Variants in CHD4 observed in about 807,000 individuals in gnomAD.
CHD4 encodes ATP-dependent chromatin remodeler CHD4.
Under a neutral mutation model 235.5 loss-of-function variants are expected in CHD4, and 35 were observed. That is an observed-to-expected ratio of 0.15 (90% CI 0.11 to 0.20). The LOEUF (loss-of-function observed/expected upper bound fraction) is 0.20, where lower values mean the gene tolerates loss of function less well. Ranked by LOEUF, CHD4 falls within the 10% of genes least tolerant of loss-of-function variation. The pLI, the probability that CHD4 is intolerant of heterozygous loss-of-function variation, is 1.00. For missense variants in CHD4, 1,329 were observed against 2,432.3 expected, an observed-to-expected ratio of 0.55 and a Z score of 9.54; for synonymous variants, 900 against 850.2, an observed-to-expected ratio of 1.06 and a Z score of -1.02.
chr12:6,601,835 G>A (rs1948596724), intron 4 of CHD4, 69 bp from the exon 5 acceptor site: 30 of 1,565,294 alleles, frequency 1.9e-5, no homozygotes, highest in Admixed American at 3.4e-5. Context: ...AAATTTGTGT[G>A]GAAAAATCAG....
chr12:6,582,351 G>A (rs1349036793), intron 29 of CHD4, 70 bp from the exon 30 acceptor site: 152 of 1,485,432 alleles, frequency 1.0e-4, no homozygotes, highest in Non-Finnish European at 1.1e-4. Context: ...CCATCCCTTC[G>A]TGAGGCATTA....
rs998990469 is a variant in CHD4, at chr12:6,599,663, T to C, written c.1482+110A>G. On this transcript the variant is annotated intron_variant, in intron 10 of 39. Transcript: ENST00000544040. Reference sequence around the variant, plus strand: ...TATAGGATGAAGGAGAATACCTTTCTCAGGGCTGAAAAGCTCATAGTTCCT... The same window carrying C: ...TATAGGATGAAGGAGAATACCTTTCCCAGGGCTGAAAAGCTCATAGTTCCT... The C allele has an allele frequency of 1.4e-5, 19 of 1,368,628 alleles. No individual in the cohort carries two copies. The South Asian group carries it at 2.4e-4, about 17-fold the overall frequency. The allele number at this position is 1,368,628 out of a possible 1,614,324, so 84.8% of individuals were successfully genotyped here.
rs769919523 is a variant in CHD4, at chr12:6,581,565, C to A, written c.4681+84G>T. ...TTGCTGTGTGTCCTGCCAGACTACC[C>A]TGTTAGAACTGAGCACAGGGGAGCA... On this transcript the variant is annotated intron_variant, in intron 31 of 39. Coordinates refer to ENST00000544040, the MANE Select transcript of CHD4 (RefSeq NM_001273.5). 3.1e-6 allele frequency: 5 copies of A among 1,592,302 alleles called. No homozygotes were observed. The South Asian group carries it at 5.5e-5, about 18-fold the overall frequency.
chr12:6,570,921 C>T lies in CHD4; in HGVS notation c.5669G>A (p.Arg1890His), dbSNP rs201121936. 1 of 1,614,064 alleles carries T rather than the reference C, an allele frequency of 6.2e-7. No homozygotes were observed. Among genetic ancestry groups the T allele is most frequent in the Admixed American group, 1.7e-5 (1 of 59,994 alleles). The stretch of plus-strand genomic sequence containing the variant: ...GTTTGCCAGGCGGCTGAGAATGTTA[C>T]GCTCTGACATCTGTAACCTCACAGC... ...PVAVRLQMSE[R>H]NILSRLANRA... The change falls in exon 39 of 40, where the codon CGT (arginine) becomes CAT (histidine). Residue 1890 changes from arginine (R) to histidine (H), a missense_variant. Arg to His is a conservative substitution (Grantham distance 29). Transcript: ENST00000544040.
chr12:6,577,796 G>T lies in CHD4; in HGVS notation c.5350C>A (p.Arg1784=). ...CCCCAACCGCTCACCTTAAACCTTC[G>T]AGCTAGAAATTTATTCTTGATCTCT... is the stretch of plus-strand genomic sequence containing the variant. ...FLEIKNKFLA[R]RFKLLEQALV... Residue 1784 remains arginine (R), a synonymous_variant, in exon 37 of 40, where the codon CGA becomes AGA. Transcript: ENST00000544040. 1 of 1,614,058 alleles carries T rather than the reference G, an allele frequency of 6.2e-7. No homozygotes were observed. Among genetic ancestry groups the T allele is most frequent in the Non-Finnish European group, 8.5e-7 (1 of 1,180,024 alleles).
intron 30 of CHD4, 99 bp from the exon 31 acceptor site, chr12:6,581,913 C>T: frequency 7.2e-7 from 1 of 1,386,958 alleles, no homozygotes; most frequent in Non-Finnish European, 9.6e-7. Context: ...AGCAATTCTC[C>T]TGCCTCAGCC....
chr12:6,597,373 G>A (rs1460613322), intron 12 of CHD4, among the ~76,000 whole-genome samples: 2 of 152,220 alleles, frequency 1.3e-5, no homozygotes, highest in Non-Finnish European at 2.9e-5. Flanking sequence ...AGCTGAAGCA[G>A]ACAGATTGCT....
At chr12:6,587,292 A>AT in intron 25 of CHD4, 92 bp downstream of exon 25, 1 of 1,326,722 alleles carries the variant, frequency 7.5e-7, no homozygotes, top group Non-Finnish European at 1.1e-6. Flanking sequence ...TTGCCTACAG[A>AT]TATTTTCCAC....
intron 37 of CHD4, among the ~76,000 whole-genome samples, chr12:6,573,614 CAT>C (rs1352616783): frequency 6.6e-6 from 1 of 152,058 alleles, no homozygotes; most frequent in Non-Finnish European, 1.5e-5. Flanking sequence ...TTTTTTTGTG[CAT>C]AGTTTTTTAC....
chr12:6,602,152 C>A lies in CHD4; in HGVS notation c.246G>T (p.Leu82=). 1 of 1,614,006 alleles carries A rather than the reference C, an allele frequency of 6.2e-7. No homozygotes were observed. Among genetic ancestry groups the A allele is most frequent in the South Asian group, 1.1e-5 (1 of 91,072 alleles). Residue 82 remains leucine, a synonymous_variant, in exon 4 of 40, where the codon CTG becomes CTT. Coordinates refer to ENST00000544040, the MANE Select transcript of CHD4 (RefSeq NM_001273.5). ...CTGGCCCCTCCCCAGAGCTGTCCCC[C>A]AGCTGCCGGCATAAGAGCATACGCT... ...KKERMLLCRQ[L]GDSSGEGPEF...
In CHD4 at chr12:6,591,938, T is replaced by C; in HGVS notation, c.3068A>G (p.Tyr1023Cys). 1 of 1,614,082 alleles carries C rather than the reference T, an allele frequency of 6.2e-7. No homozygotes were observed. Among genetic ancestry groups the C allele is most frequent in the Non-Finnish European group, 8.5e-7 (1 of 1,180,010 alleles). The change falls in exon 20 of 40, where the codon TAC becomes TGC. Residue 1023 changes from tyrosine (Y) to cysteine (C), a missense_variant. By Grantham distance (194) the Tyr-to-Cys change is radical (BLOSUM62 -2). Around this residue, in one of 26 missense-constraint regions of CHD4, gnomAD observed 39 missense variants for 83.8 expected, o/e 0.47. Transcript: ENST00000544040. Reference protein sequence around the residue: ...MDLKKCCNHPYLFPVAAMEAP... With the variant: ...MDLKKCCNHPCLFPVAAMEAP... ...TACCATTGCAGCCACAGGGAAGAGG[T>C]ATGGATGGTTGCAGCACTTCTTAAG...
intron 37 of CHD4, among the ~76,000 whole-genome samples, chr12:6,576,030 T>TC: frequency 6.6e-6 from 1 of 151,780 alleles, no homozygotes; most frequent in South Asian, 2.1e-4. Flanking sequence ...CCGTCCCTAC[T>TC]CCAATTCCCT....
intron 33 of CHD4, chr12:6,580,326 T>C (rs1948158130): frequency 6.6e-6 from 1 of 152,216 alleles, no homozygotes; most frequent in African/African-American, 2.4e-5. Flanking sequence ...TGCAGGATTC[T>C]TCAGTGTGTC....
At chr12:6,601,896 G>A (rs1948598347) in intron 4 of CHD4, 64 bp downstream of exon 4, 1 of 1,575,402 alleles carries the variant, frequency 6.3e-7, no homozygotes, top group Middle Eastern at 1.7e-4. Flanking sequence ...AGGGCAGTAA[G>A]GTGTCTAGGA....
chr12:6,588,028 A>G (rs1948328621), intron 23 of CHD4, 79 bp from the exon 24 acceptor site: 3 of 1,443,460 alleles, frequency 2.1e-6, no homozygotes, highest in African/African-American at 2.8e-5. Context: ...ATAATATTCT[A>G]AATTCAGTAC....
In CHD4 at chr12:6,570,133, G is replaced by T. The variant is rs2136188146; in HGVS notation, c.*543C>A. ...AATTTTCATCAAGAAATTTGCTGTG[G>T]TTTTTTATGCTTTTGGTTTTTTCCT... On this transcript the variant is annotated 3_prime_UTR_variant, in exon 40 of 40. Coordinates refer to ENST00000544040, the MANE Select transcript of CHD4 (RefSeq NM_001273.5). 6.6e-6 allele frequency: 1 copy of T among 151,056 alleles called. No homozygotes were observed. Among genetic ancestry groups the T allele is most frequent in the South Asian group, 2.1e-4 (1 of 4,796 alleles). 9.4% of individuals were successfully genotyped at this position (151,056 alleles called of 1,614,324 possible). A position where few individuals can be genotyped will look rare whatever the true frequency, so the allele number is the denominator to read the frequency against.
At chr12:6,572,503 G>A (rs925627563) in intron 38 of CHD4, among the ~76,000 whole-genome samples, 9 of 152,026 alleles carry the variant, frequency 5.9e-5, no homozygotes, top group East Asian at 5.8e-4. Context: ...GGCTGAGGCC[G>A]GAGGATCACT....
In CHD4 at chr12:6,598,203, C is replaced by T; in HGVS notation, c.1686+19G>A. The T allele has an allele frequency of 1.9e-6, 3 of 1,610,106 alleles. No homozygotes were observed. Among genetic ancestry groups the T allele is most frequent in the Non-Finnish European group, 2.5e-6 (3 of 1,177,100 alleles). The stretch of plus-strand genomic sequence containing the variant: ...CTCTTCATCGTAGCCCCTACATCTC[C>T]AGACTATCCTAAACTTACCTGCAGT... On this transcript the variant is annotated intron_variant, in intron 11 of 39. Coordinates refer to ENST00000544040, the MANE Select transcript of CHD4 (RefSeq NM_001273.5).
chr12:6,595,977 A>T (rs768700809), intron 13 of CHD4, 29 bp downstream of exon 13: 15 of 1,578,108 alleles, frequency 9.5e-6, no homozygotes, highest in African/African-American at 1.4e-5. Context: ...AAAAAGAAAC[A>T]ACTCTATGCC....
Sources: allele counts gnomAD v4.1 joint callset (sites outside exome capture counted in the v4.1 genomes callset), GRCh38; gene constraint gnomAD v4.1.1; regional missense constraint gnomAD v4.1.1; transcripts MANE v1.5; gene names NCBI Gene and HGNC (gene_info 2026-07-23, HGNC 2026-07-21).